Variants in LEO1 observed in about 807,000 individuals in gnomAD.
The protein encoded by LEO1 is LEO1 component of Paf1/RNA polymerase II complex.
LEO1 carries 34 observed loss-of-function variants against 80.4 expected under a neutral mutation model. The observed-to-expected ratio is 0.42, with a 90% confidence interval of 0.32 to 0.56. LEO1 has a LOEUF of 0.56. Among genes scored for constraint, LEO1 ranks in the 20% least tolerant of loss-of-function variants. The pLI, the probability that LEO1 is intolerant of heterozygous loss-of-function variation, is 0.10. For synonymous variants in LEO1, 262 were observed against 274.9 expected (o/e 0.95, Z 0.46); for missense variants, 631 against 814.2 (o/e 0.77, Z 2.74).
At position 51,966,179 on chromosome 15, in the gene LEO1, A is replaced by G. The variant is rs1320801175; in HGVS notation, c.384T>C (p.His128=). Residue 128 remains histidine (H), a synonymous_variant, in exon 2 of 12, where the codon CAT becomes CAC. Transcript: ENST00000299601. The part of the protein sequence containing the change: ...DEGHRSDGGS[H]HSEAEGSEKA... The stretch of plus-strand genomic sequence containing the variant: ...TTTCAGAACCTTCTGCTTCTGAATG[A>G]TGGCTCCCTCCATCCGATCTATGAC... 6.2e-7 allele frequency: 1 copy of G among 1,613,956 alleles called. No individual in the cohort carries two copies. Among genetic ancestry groups the G allele is most frequent in the East Asian group, 2.2e-5 (1 of 44,882 alleles).
At chr15:51,950,052 G>A in intron 9 of LEO1, 58 bp from the exon 10 acceptor site, 1 of 1,410,880 alleles carries the variant, frequency 7.1e-7, no homozygotes, top group Non-Finnish European at 9.6e-7. Flanking sequence ...GTGCCCACTT[G>A]AACCCACTTT....
intron 2 of LEO1, among the ~76,000 whole-genome samples, chr15:51,963,044 A>C (rs146769689): frequency 0.031 from 4,761 of 152,146 alleles, 123 homozygotes; most frequent in Non-Finnish European, 0.05. Context: ...TGAGAGGACG[A>C]GGTGGGTGGA....
intron 1 of LEO1, among the ~76,000 whole-genome samples, chr15:51,969,825 A>T (rs1297253903): frequency 1.4e-4 from 19 of 133,506 alleles, no homozygotes; most frequent in Non-Finnish European, 1.6e-5. Context: ...TGGGAGACAG[A>T]CTGAGACTCC....
intron 6 of LEO1, among the ~76,000 whole-genome samples, chr15:51,955,663 A>G (rs2141763066): frequency 6.6e-6 from 1 of 152,330 alleles, no homozygotes; most frequent in Middle Eastern, 3.4e-3. Flanking sequence ...AAAACTGCCA[A>G]TGCCAAGACC....
intron 5 of LEO1, 98 bp downstream of exon 5, chr15:51,959,801 C>T (rs983424858): frequency 1.9e-5 from 22 of 1,158,024 alleles, no homozygotes; most frequent in East Asian, 7.8e-5. Flanking sequence ...ATCAATTTTC[C>T]GTTTTTGTGA....
chr15:51,971,230 C>CCTAT (rs2141790839), intron 1 of LEO1, among the ~76,000 whole-genome samples: 1 of 152,300 alleles, frequency 6.6e-6, no homozygotes, highest in South Asian at 2.1e-4. Context: ...TCTCAAGCTC[C>CCTAT]CTATCACACC....
At chr15:51,962,709 A>G (rs1035739) in intron 2 of LEO1, among the ~76,000 whole-genome samples, 68,483 of 152,022 alleles carry the variant, frequency 0.45, 15,602 homozygotes, top group Admixed American at 0.54. Context: ...TACTTACTGT[A>G]TAACTCTATT....
intron 2 of LEO1, among the ~76,000 whole-genome samples, chr15:51,963,177 G>A (rs1224789992): frequency 1.3e-5 from 2 of 152,110 alleles, no homozygotes; most frequent in African/African-American, 4.8e-5. Context: ...TTAGGAGGCT[G>A]AGGCAAGAGA....
At chr15:51,950,340 A>G (rs1480900396) in intron 9 of LEO1, among the ~76,000 whole-genome samples, 1 of 152,118 alleles carries the variant, frequency 6.6e-6, no homozygotes, top group Non-Finnish European at 1.5e-5. Context: ...AGAAACCTAA[A>G]TTGACTCCCT....
In LEO1 at chr15:51,965,969, A is replaced by G; in HGVS notation, c.594T>C (p.Asp198=). ...CCTCAGATAGCTGTTGTCTCTCATC[A>G]TCGGAAAGCTGAGGCCTCTCCTCAT... is the stretch of plus-strand genomic sequence containing the variant. ...TDDEERPQLS[D]DERQQLSEEE... The change falls in exon 2 of 12, where the codon GAT becomes GAC. Residue 198 remains aspartate, a synonymous_variant. Coordinates refer to ENST00000299601, the MANE Select transcript of LEO1 (RefSeq NM_138792.4). The G allele has an allele frequency of 6.2e-7, 1 of 1,613,930 alleles. No individual in the cohort carries two copies. Among genetic ancestry groups the G allele is most frequent in the Non-Finnish European group, 8.5e-7 (1 of 1,179,894 alleles).
intron 8 of LEO1, chr15:51,952,261 G>A: frequency 4.5e-6 from 1 of 223,310 alleles, no homozygotes; most frequent in Admixed American, 5.6e-5. Context: ...ATACGCTCAA[G>A]CAACATTAAT....
At chr15:51,962,801 C>G (rs781674408) in intron 2 of LEO1, among the ~76,000 whole-genome samples, 1 of 151,972 alleles carries the variant, frequency 6.6e-6, no homozygotes, top group Non-Finnish European at 1.5e-5. Context: ...CAGAAAGATA[C>G]GACTCAAAAG....
Position 51,938,202 on chromosome 15 carries a change from T to C in LEO1, c.1955A>G (p.His652Arg), listed in dbSNP as rs1344480038. ...TTCATCGCTGATCACATACTTCTTA[T>C]GCTTTTTATTTGCTTTATCATCATC... Reference protein sequence around the residue: ...AEDDDKANKKHKKYVISDEEE... With the variant: ...AEDDDKANKKRKKYVISDEEE... The change falls in exon 12 of 12, where the codon CAT (histidine) becomes CGT (arginine). Residue 652 changes from histidine (H) to arginine (R), a missense_variant. His to Arg is a conservative substitution (Grantham distance 29, BLOSUM62 0). Coordinates refer to ENST00000299601, the MANE Select transcript of LEO1 (RefSeq NM_138792.4). 4 of 1,610,984 alleles carry C rather than the reference T, an allele frequency of 2.5e-6. No homozygotes were observed. The highest frequency in any genetic ancestry group is 3.4e-6 in the Non-Finnish European group (4 of 1,178,164).
Position 51,947,375 on chromosome 15 carries a change from T to C in LEO1, c.1813A>G (p.Ile605Val). 1 of 1,611,024 alleles carries C rather than the reference T, an allele frequency of 6.2e-7. No individual in the cohort carries two copies. Among genetic ancestry groups the C allele is most frequent in the Non-Finnish European group, 8.5e-7 (1 of 1,178,026 alleles). ...CCCTCATCACTGTCTGATGAATAGA[T>C]TCTGGCTCGTTCCTCTGAAAGCAAA... Reference protein sequence around the residue: ...KGGIREERARIYSSDSDEGSE... With the variant: ...KGGIREERARVYSSDSDEGSE... Residue 605 changes from isoleucine (I) to valine (V), a missense_variant, in exon 11 of 12, where the codon ATC becomes GTC. By Grantham distance (29) the Ile-to-Val change is conservative. This residue lies in a region of LEO1 where 117 missense variants were observed against 163.5 expected (regional missense o/e 0.72). Coordinates refer to ENST00000299601, the MANE Select transcript of LEO1 (RefSeq NM_138792.4).
chr15:51,951,023 C>T (rs2056944580), intron 9 of LEO1, among the ~76,000 whole-genome samples: 1 of 152,226 alleles, frequency 6.6e-6, no homozygotes, highest in Non-Finnish European at 1.5e-5. Context: ...TTTAATCTGT[C>T]TCCATGAACA....
intron 1 of LEO1, among the ~76,000 whole-genome samples, chr15:51,970,050 AAC>A (rs1178334486): frequency 4.6e-5 from 7 of 152,102 alleles, no homozygotes; most frequent in Admixed American, 3.9e-4. Flanking sequence ...CACTATGGAA[AAC>A]AGTTTGGCTG....
intron 6 of LEO1, among the ~76,000 whole-genome samples, chr15:51,955,242 A>C (rs2570269): frequency 0.44 from 66,750 of 151,998 alleles, 14,884 homozygotes; most frequent in Admixed American, 0.52. Flanking sequence ...CCGGCCGAGG[A>C]AGAAATTTTG....
chr15:51,947,449 T>C lies in LEO1; in HGVS notation c.1799-60A>G. 6 of 1,216,486 alleles carry C rather than the reference T, an allele frequency of 4.9e-6. No individual in the cohort carries two copies. In the South Asian group the frequency reaches 7.5e-5, roughly 15 times the overall value. 75.4% of individuals were successfully genotyped at this position (1,216,486 alleles called of 1,614,324 possible). ...TTTTTTTTCTGAGACAGGGTCTTGC[T>C]TTGAGGCCCAGGCTGGAGTGCAGTG... On this transcript the variant is annotated intron_variant, in intron 10 of 11. Coordinates refer to ENST00000299601, the MANE Select transcript of LEO1 (RefSeq NM_138792.4).
chr15:51,953,407 G>C, intron 7 of LEO1, 144 bp from the exon 8 acceptor site: 1 of 737,738 alleles, frequency 1.4e-6, no homozygotes, highest in Non-Finnish European at 2.2e-6. Flanking sequence ...TGGATCACGA[G>C]GTCAGGAGTT....
Sources: allele counts gnomAD v4.1 joint callset (sites outside exome capture counted in the v4.1 genomes callset), GRCh38; gene constraint gnomAD v4.1.1; regional missense constraint gnomAD v4.1.1; transcripts MANE v1.5; gene names NCBI Gene and HGNC (gene_info 2026-07-23, HGNC 2026-07-21).